Variants in SDK1 observed in about 807,000 individuals in gnomAD.
The protein encoded by SDK1 is protein sidekick-1.
Under a neutral mutation model 245.5 loss-of-function variants are expected in SDK1, and 157 were observed. The ratio of observed to expected loss-of-function variants is 0.64; its 90% CI spans 0.56 to 0.73. The LOEUF (loss-of-function observed/expected upper bound fraction) is 0.73. Ranked by LOEUF, SDK1 falls within the 30% of genes least tolerant of loss-of-function variation. The probability of loss-of-function intolerance (pLI) is 0.00; values close to 1 mark genes in which losing one functional copy is unlikely to be tolerated. For synonymous variants in SDK1, 1,647 were observed against 1,278.5 expected, an observed-to-expected ratio of 1.29 and a Z score of -6.15; for missense variants, 3,583 against 3,002.3, an observed-to-expected ratio of 1.19 and a Z score of -4.52.
intron 1 of SDK1, among the ~76,000 whole-genome samples, chr7:3,417,652 C>T (rs1269975117): frequency 6.6e-6 from 1 of 152,174 alleles, no homozygotes; most frequent in African/African-American, 2.4e-5. Flanking sequence ...AATATTTATG[C>T]TATGATATAT....
chr7:4,131,846 ATG>A (rs1175161116), intron 27 of SDK1, among the ~76,000 whole-genome samples: 2 of 29,868 alleles, frequency 6.7e-5, no homozygotes, highest in Admixed American at 4.4e-4. Context: ...GAGGATACAC[ATG>A]TTATTTCATC....
At position 3,358,255 on chromosome 7, in the gene SDK1, C is replaced by G. The variant is rs187191811; in HGVS notation, c.298+56371C>G. Among the ~76,000 whole-genome samples the G allele has an allele frequency of 4.1e-4, 62 of 152,262 alleles. 2 individuals are homozygous for G. The East Asian group carries it at 0.011, about 28-fold the overall frequency. On this transcript the variant is annotated intron_variant, in intron 1 of 44. Transcript: ENST00000404826. ...CAGGTTGGTTTTGAACTCCCGACCT[C>G]AAGTGATCTGCCCGTCTCAGCCTCC... is the stretch of plus-strand genomic sequence containing the variant.
chr7:3,898,001 A>G, intron 5 of SDK1, among the ~76,000 whole-genome samples: 1 of 151,708 alleles, frequency 6.6e-6, no homozygotes, highest in Non-Finnish European at 1.5e-5. Context: ...TGTGCACAGT[A>G]CACTGACCCA....
chr7:3,315,326 A>G lies in SDK1; in HGVS notation c.298+13442A>G, dbSNP rs371121662. Among the ~76,000 whole-genome samples, 27 of 152,260 alleles carry G rather than the reference A, an allele frequency of 1.8e-4. 2 individuals are homozygous for G. The East Asian group carries it at 4.4e-3, about 25-fold the overall frequency. ...GTTATACAGTATCATACATCCTTAC[A>G]ACCCTATTTTATAGTTGAGGAAATT... On this transcript the variant is annotated intron_variant, in intron 1 of 44. Transcript: ENST00000404826.
At chr7:3,744,254 A>G (rs1032657288) in intron 4 of SDK1, among the ~76,000 whole-genome samples, 3 of 151,620 alleles carry the variant, frequency 2.0e-5, no homozygotes, top group African/African-American at 7.3e-5. Flanking sequence ...CATCTCTCCA[A>G]TTACTGCCGA....
intron 29 of SDK1, among the ~76,000 whole-genome samples, chr7:4,147,645 A>G (rs138594803): frequency 1.1e-4 from 16 of 152,126 alleles, no homozygotes; most frequent in African/African-American, 3.6e-4. Flanking sequence ...AGCTGGAGGG[A>G]CGGAAGCCCT....
chr7:3,831,299 G>C (rs1384679324), intron 5 of SDK1, among the ~76,000 whole-genome samples: 1 of 152,082 alleles, frequency 6.6e-6, no homozygotes, highest in Non-Finnish European at 1.5e-5. Context: ...AATTTCCTGG[G>C]GTTCAGCTTT....
intron 4 of SDK1, among the ~76,000 whole-genome samples, chr7:3,774,205 A>C (rs1780485251): frequency 1.4e-5 from 2 of 139,036 alleles, no homozygotes; most frequent in Admixed American, 7.8e-5. Flanking sequence ...ACAGAGCGAG[A>C]CTCCATCTCA....
intron 13 of SDK1, among the ~76,000 whole-genome samples, chr7:3,980,527 C>A (rs1409396473): frequency 6.6e-6 from 1 of 152,154 alleles, no homozygotes; most frequent in Non-Finnish European, 1.5e-5. Flanking sequence ...CGCAATCTAT[C>A]CCCATTAGAT....
intron 6 of SDK1, 74 bp from the exon 7 acceptor site, chr7:3,951,656 G>T: frequency 7.3e-7 from 1 of 1,369,660 alleles, no homozygotes; most frequent in South Asian, 1.2e-5. Flanking sequence ...AGCCTGTGCC[G>T]AGTGCCTGAG....
chr7:3,371,894 C>T (rs542542061), intron 1 of SDK1, among the ~76,000 whole-genome samples: 3 of 152,268 alleles, frequency 2.0e-5, no homozygotes, highest in Non-Finnish European at 4.4e-5. Flanking sequence ...CTACTTAGAT[C>T]TATCCTCACA....
At chr7:4,143,947 G>A (rs1483748760) in intron 28 of SDK1, among the ~76,000 whole-genome samples, 2 of 152,220 alleles carry the variant, frequency 1.3e-5, no homozygotes. Flanking sequence ...TGTAGCCGCT[G>A]TGGTCACGCT....
At chr7:3,655,449 ATATATATAT>A (rs1783137206) in intron 4 of SDK1, among the ~76,000 whole-genome samples, 1 of 4,446 alleles carries the variant, frequency 2.2e-4, no homozygotes. Flanking sequence ...AACAAAACAA[ATATATATAT>A]ATATATATAT....
At chr7:3,968,323 C>G (rs1458261426) in intron 10 of SDK1, among the ~76,000 whole-genome samples, 1 of 152,190 alleles carries the variant, frequency 6.6e-6, no homozygotes, top group Admixed American at 6.5e-5. Flanking sequence ...CACACAGAGT[C>G]CATCCTGAAC....
chr7:3,682,058 G>C (rs758020945), intron 4 of SDK1, among the ~76,000 whole-genome samples: 5 of 152,186 alleles, frequency 3.3e-5, no homozygotes, highest in Non-Finnish European at 7.3e-5. Flanking sequence ...AGTTAAAGTA[G>C]TTGTTTAGTT....
intron 4 of SDK1, among the ~76,000 whole-genome samples, chr7:3,693,483 C>A (rs965227934): frequency 2.0e-5 from 3 of 152,108 alleles, no homozygotes; most frequent in African/African-American, 7.2e-5. Flanking sequence ...CAACATTGCC[C>A]CATTTCCTCC....
chr7:3,805,439 C>T (rs956704145), intron 4 of SDK1, among the ~76,000 whole-genome samples: 9 of 152,204 alleles, frequency 5.9e-5, no homozygotes, highest in Admixed American at 2.0e-4. Context: ...GTTCTTGTGA[C>T]ATGACGTAGT....
At chr7:3,594,894 T>C (rs543321792) in intron 1 of SDK1, among the ~76,000 whole-genome samples, 1 of 152,342 alleles carries the variant, frequency 6.6e-6, no homozygotes, top group Non-Finnish European at 1.5e-5. Context: ...AAGAAAATGT[T>C]ATTTCTAGGT....
intron 17 of SDK1, 30 bp downstream of exon 17, chr7:4,017,382 C>G: frequency 6.4e-7 from 1 of 1,572,768 alleles, no homozygotes; most frequent in Non-Finnish European, 8.7e-7. Context: ...CACGAGGTGG[C>G]GGGATCTTTG....
Sources: allele counts gnomAD v4.1 joint callset (sites outside exome capture counted in the v4.1 genomes callset), GRCh38; gene constraint gnomAD v4.1.1; transcripts MANE v1.5; gene names NCBI Gene and HGNC (gene_info 2026-07-23, HGNC 2026-07-21).